Variants in DPF2 observed in about 807,000 individuals in gnomAD.
DPF2 encodes double PHD fingers 2.
A neutral mutation model predicts 59.6 loss-of-function variants in DPF2; 10 were observed. The observed-to-expected ratio is 0.17, with a 90% CI of 0.10 to 0.28. DPF2 has a LOEUF of 0.28. DPF2 is among the 10% of genes least tolerant of loss of function. DPF2 has a pLI of 1.00. For synonymous variants in DPF2, 189 were observed against 190.6 expected (o/e 0.99, Z 0.07); for missense variants, 315 against 509.4 (o/e 0.62, Z 3.67).
At chr11:65,343,554 A>G (rs951313770) in intron 4 of DPF2, 191 bp from the exon 5 acceptor site, 31 of 593,872 alleles carry the variant, frequency 5.2e-5, no homozygotes, top group Non-Finnish European at 9.0e-5. Flanking sequence ...GCACAGGGGA[A>G]AGATATCCCA....
chr11:65,350,205 T>C (rs973890043), intron 10 of DPF2, among the ~76,000 whole-genome samples: 6 of 152,098 alleles, frequency 3.9e-5, no homozygotes, highest in Non-Finnish European at 7.4e-5. Flanking sequence ...GTGTCCTCAC[T>C]GTAGTGTTAA....
intron 6 of DPF2, 54 bp downstream of exon 6, chr11:65,344,123 C>G (rs1168645639): frequency 6.4e-7 from 1 of 1,565,208 alleles, no homozygotes; most frequent in African/African-American, 1.4e-5. Context: ...AGCTCCTGCT[C>G]TGGATATGAG....
At chr11:65,346,128 G>A in intron 8 of DPF2, 70 bp downstream of exon 8, 1 of 1,605,894 alleles carries the variant, frequency 6.2e-7, no homozygotes, top group Non-Finnish European at 8.5e-7. Flanking sequence ...GGCCTCTAGG[G>A]CTGTCATAAC....
At chr11:65,335,857 G>A (rs747685812) in intron 1 of DPF2, among the ~76,000 whole-genome samples, 6 of 151,758 alleles carry the variant, frequency 4.0e-5, no homozygotes, top group East Asian at 1.9e-4. Context: ...TTGTCGGCCC[G>A]GGCTGGAATG....
intron 1 of DPF2, among the ~76,000 whole-genome samples, chr11:65,335,150 A>G (rs1950079791): frequency 6.9e-6 from 1 of 144,800 alleles, no homozygotes; most frequent in South Asian, 2.2e-4. Flanking sequence ...TCCCAACGCT[A>G]TTGTCTTTCT....
At chr11:65,351,556 C>T (rs1202154085) in intron 10 of DPF2, 127 bp from the exon 11 acceptor site, 4 of 764,738 alleles carry the variant, frequency 5.2e-6, no homozygotes, top group Non-Finnish European at 2.3e-6. Flanking sequence ...AACTTTCCTG[C>T]TGCAGAGCAT....
Position 65,351,782 on chromosome 11 carries a change from G to C in DPF2, c.*23G>C. The C allele has an allele frequency of 6.2e-7, 1 of 1,609,208 alleles. No homozygotes were observed. Among genetic ancestry groups the C allele is most frequent in the South Asian group, 1.1e-5 (1 of 90,930 alleles). On this transcript the variant is annotated 3_prime_UTR_variant, in exon 11 of 11. Transcript: ENST00000528416. The stretch of plus-strand genomic sequence containing the variant: ...TGATGTGGCCACCCACCTGCTCCCC[G>C]ACATATCTAAGGCTGTTTCTCTCCT...
intron 1 of DPF2, among the ~76,000 whole-genome samples, chr11:65,337,826 C>CA (rs1854248606): frequency 6.6e-6 from 1 of 151,774 alleles, no homozygotes; most frequent in Admixed American, 6.6e-5. Flanking sequence ...TTTTTTGAGA[C>CA]AGAGTTTCGC....
intron 1 of DPF2, among the ~76,000 whole-genome samples, chr11:65,337,465 AAAAAAAAAAATAT>A (rs1854201555): frequency 1.5e-5 from 1 of 68,112 alleles, no homozygotes; most frequent in South Asian, 6.2e-4. Context: ...AAAAAAAAAA[AAAAAAAAAAATAT>A]ATATATATAT....
chr11:65,336,036 A>G (rs1950091176), intron 1 of DPF2, among the ~76,000 whole-genome samples: 1 of 141,376 alleles, frequency 7.1e-6, no homozygotes, highest in Non-Finnish European at 1.5e-5. Flanking sequence ...CTGGTCTTGA[A>G]CTCCTGACCT....
intron 10 of DPF2, among the ~76,000 whole-genome samples, chr11:65,349,966 C>T (rs1378804045): frequency 2.0e-5 from 3 of 152,174 alleles, no homozygotes; most frequent in Non-Finnish European, 4.4e-5. Flanking sequence ...GCTGTCACCC[C>T]TCTAGAGAAT....
At position 65,343,747 on chromosome 11, in the gene DPF2, G is replaced by T. The variant is rs986740340; in HGVS notation, c.468G>T (p.Arg156=). Residue 156 remains arginine (R), a splice_region_variant and synonymous_variant, in exon 5 of 11, where the codon CGG becomes CGT. Transcript: ENST00000528416. The stretch of plus-strand genomic sequence containing the variant: ...TGCTAACCCTCCTGTCCACTCAGCG[G>T]ATCCTAGAACCAGATGACTTCCTGG... The part of the protein sequence containing the change: ...FPVTNSRARK[R]ILEPDDFLDD... The T allele has an allele frequency of 6.3e-7, 1 of 1,594,828 alleles. No homozygotes were observed. Among genetic ancestry groups the T allele is most frequent in the African/African-American group, 1.3e-5 (1 of 74,670 alleles).
chr11:65,333,973 A>C (rs1351575993), intron 1 of DPF2, 55 bp downstream of exon 1: 1 of 1,359,810 alleles, frequency 7.4e-7, no homozygotes, highest in Admixed American at 1.8e-5. Flanking sequence ...AGGGCCTGGG[A>C]GTAGGGGGCG....
At chr11:65,334,872 G>C (rs192196194) in intron 1 of DPF2, among the ~76,000 whole-genome samples, 34 of 152,266 alleles carry the variant, frequency 2.2e-4, no homozygotes, top group Non-Finnish European at 4.1e-4. Flanking sequence ...CAGGGTTTTT[G>C]CATTTTGACT....
In DPF2 at chr11:65,346,109, T is replaced by A. The variant is rs374651671; in HGVS notation, c.904+51T>A. On this transcript the variant is annotated intron_variant, in intron 8 of 10. Coordinates refer to ENST00000528416, the MANE Select transcript of DPF2 (RefSeq NM_006268.5). ...CTTTGCCCAGTCCCCAAGGGGCTCT[T>A]GGCTTGCTGGCCTCTAGGGCTGTCA... is the stretch of plus-strand genomic sequence containing the variant. 89 of 1,609,714 alleles carry A rather than the reference T, an allele frequency of 5.5e-5. No individual in the cohort carries two copies. The South Asian group carries it at 9.5e-4, about 17-fold the overall frequency.
rs2307266 is a variant in DPF2, at chr11:65,349,020, C to T, written c.1099+89C>T. ...TCTATGTTCTTTATGTTATCACTTA[C>T]ATATTCTTCCAAATTAGGGAGTAAA... On this transcript the variant is annotated intron_variant, in intron 10 of 10. Transcript: ENST00000528416. 10,879 of 1,452,390 alleles carry T rather than the reference C, an allele frequency of 7.5e-3. 553 individuals carry two copies. In the African/African-American group the frequency reaches 0.12, roughly 16 times the overall value. 90.0% of individuals were successfully genotyped at this position (1,452,390 alleles called of 1,614,324 possible). A position where few individuals can be genotyped will look rare whatever the true frequency, so the allele number is the denominator to read the frequency against.
At chr11:65,344,650 G>A (rs1358974946) in intron 6 of DPF2, 2 of 1,534,924 alleles carry the variant, frequency 1.3e-6, no homozygotes, top group East Asian at 2.4e-5. Context: ...CAGACTTGTG[G>A]TTTTCCTTTC....
At chr11:65,351,025 C>T (rs1025969477) in intron 10 of DPF2, among the ~76,000 whole-genome samples, 1 of 151,516 alleles carries the variant, frequency 6.6e-6, no homozygotes, top group African/African-American at 2.4e-5. Flanking sequence ...ATGCATGAGA[C>T]TGTATGTGGC....
intron 1 of DPF2, among the ~76,000 whole-genome samples, chr11:65,335,080 T>TTG (rs1220556061): frequency 3.0e-3 from 1 of 332 alleles, no homozygotes; most frequent in African/African-American, 3.4e-3. Flanking sequence ...TTGTGGTTTG[T>TTG]TTTTTTTTTT....
Sources: allele counts gnomAD v4.1 joint callset (sites outside exome capture counted in the v4.1 genomes callset), GRCh38; gene constraint gnomAD v4.1.1; transcripts MANE v1.5; gene names NCBI Gene and HGNC (gene_info 2026-07-23, HGNC 2026-07-21).